FAM78B: variants seen among roughly 807,000 people sequenced by gnomAD.
FAM78B encodes protein FAM78B.
A neutral mutation model predicts 20.0 loss-of-function variants in FAM78B; 10 were observed. The ratio of observed to expected loss-of-function variants is 0.50; its 90% CI spans 0.31 to 0.85. FAM78B has a LOEUF of 0.85. FAM78B is among the 40% of genes least tolerant of loss of function. FAM78B has a pLI of 0.05. For synonymous variants in FAM78B, 135 were observed against 132.8 expected (o/e 1.02, Z -0.12); for missense variants, 283 against 345.0 (o/e 0.82, Z 1.42).
At chr1:166,095,624 G>A (rs953520773) in intron 1 of FAM78B, among the ~76,000 whole-genome samples, 87 of 152,128 alleles carry the variant, frequency 5.7e-4, no homozygotes, top group African/African-American at 1.9e-3. Flanking sequence ...TTGTGAGCCC[G>A]CAGGAACCCC....
rs1008060239 is a variant in FAM78B, at chr1:166,078,925, A to G, written c.264-8162T>C. Among the ~76,000 whole-genome samples the G allele has an allele frequency of 6.9e-5, 7 of 101,696 alleles. No homozygotes were observed. The Admixed American group carries it at 7.8e-4, about 11-fold the overall frequency. The allele number at this position is 101,696 out of a possible 152,430, so 66.7% of individuals were successfully genotyped here. ...GAGAGGAGCCCTGGCCTGGCCTTACATGTTTTTTTTTTTTTTTTTCTTTAG... is the reference window on the plus strand; with the variant it reads ...GAGAGGAGCCCTGGCCTGGCCTTACGTGTTTTTTTTTTTTTTTTTCTTTAG... On this transcript the variant is annotated intron_variant, in intron 1 of 1. Transcript: ENST00000354422.
intron 1 of FAM78B, among the ~76,000 whole-genome samples, chr1:166,080,565 A>G (rs1378125609): frequency 1.3e-5 from 2 of 152,232 alleles, no homozygotes; most frequent in Non-Finnish European, 2.9e-5. Flanking sequence ...CTGCTGCGTT[A>G]ACTTTACTGC....
chr1:166,139,991 G>A (rs770538323), intron 1 of FAM78B, among the ~76,000 whole-genome samples: 17 of 152,214 alleles, frequency 1.1e-4, no homozygotes, highest in Non-Finnish European at 1.8e-4. Flanking sequence ...CAAAGGCCAC[G>A]CAGGATGAGG....
chr1:166,059,228 C>T (rs1236341594), exon 3 of FAM78B: 1 of 152,704 alleles, frequency 6.5e-6, no homozygotes, highest in African/African-American at 2.4e-5. Context: ...GAGTACCACT[C>T]ATGGGACCTG....
intron 1 of FAM78B, among the ~76,000 whole-genome samples, chr1:166,096,153 C>T (rs141439848): frequency 1.3e-5 from 2 of 152,304 alleles, no homozygotes; most frequent in African/African-American, 4.8e-5. Context: ...CTCAAATTGC[C>T]AGTCGTCCCA....
At chr1:166,152,255 GGTT>G (rs1181295167) in intron 1 of FAM78B, among the ~76,000 whole-genome samples, 1 of 152,182 alleles carries the variant, frequency 6.6e-6, no homozygotes, top group Non-Finnish European at 1.5e-5. Context: ...AGCCCGTGGT[GGTT>G]GTTGTTCTCA....
At chr1:166,121,290 A>G (rs1334232459) in intron 1 of FAM78B, among the ~76,000 whole-genome samples, 4 of 152,082 alleles carry the variant, frequency 2.6e-5, no homozygotes, top group Non-Finnish European at 4.4e-5. Flanking sequence ...GTGGTGGGAT[A>G]CTGAGGTCCT....
chr1:166,071,987 C>T (rs528999254), intron 1 of FAM78B, among the ~76,000 whole-genome samples: 6 of 152,250 alleles, frequency 3.9e-5, no homozygotes, highest in Admixed American at 6.5e-5. Context: ...ATTTTCGCTC[C>T]GGGTACCAGG....
At chr1:166,114,466 T>C (rs1235316935) in intron 1 of FAM78B, among the ~76,000 whole-genome samples, 2 of 152,236 alleles carry the variant, frequency 1.3e-5, no homozygotes, top group Non-Finnish European at 2.9e-5. Flanking sequence ...GTGTGAATAC[T>C]GAATACTACA....
chr1:166,084,506 G>A (rs1390892130), intron 1 of FAM78B, among the ~76,000 whole-genome samples: 2 of 152,136 alleles, frequency 1.3e-5, no homozygotes, highest in African/African-American at 2.4e-5. Context: ...TGCTGATGGC[G>A]AGTGCAATTT....
chr1:166,081,767 G>C (rs1299401632), intron 1 of FAM78B, among the ~76,000 whole-genome samples: 1 of 152,168 alleles, frequency 6.6e-6, no homozygotes, highest in Non-Finnish European at 1.5e-5. Context: ...ACTGGGGCTG[G>C]AGGTAGAGGT....
chr1:166,120,727 G>A (rs1208292493), intron 1 of FAM78B, among the ~76,000 whole-genome samples: 1 of 150,022 alleles, frequency 6.7e-6, no homozygotes, highest in African/African-American at 2.4e-5. Context: ...ATGAAAACAG[G>A]AGGAGCTAAG....
chr1:166,127,807 G>A (rs779036025), intron 1 of FAM78B, among the ~76,000 whole-genome samples: 3 of 152,162 alleles, frequency 2.0e-5, no homozygotes, highest in Non-Finnish European at 4.4e-5. Context: ...AGAGCACACA[G>A]ACCACTGCTG....
At chr1:166,143,212 G>A (rs1655340212) in intron 1 of FAM78B, among the ~76,000 whole-genome samples, 2 of 152,166 alleles carry the variant, frequency 1.3e-5, no homozygotes, top group Admixed American at 1.3e-4. Flanking sequence ...AGTAGAGGCT[G>A]GGACAGTGGC....
chr1:166,057,838 G>C (rs1000718403), exon 3 of FAM78B: 1 of 152,224 alleles, frequency 6.6e-6, no homozygotes, highest in African/African-American at 2.4e-5. Flanking sequence ...AAGATAAAGA[G>C]CAGAAGGGAA....
chr1:166,153,426 C>T (rs1257514012), intron 1 of FAM78B, among the ~76,000 whole-genome samples: 1 of 152,202 alleles, frequency 6.6e-6, no homozygotes, highest in Non-Finnish European at 1.5e-5. Flanking sequence ...ACAAGTAGTT[C>T]AAAGGCAGGC....
intron 1 of FAM78B, among the ~76,000 whole-genome samples, chr1:166,086,073 C>A: frequency 7.5e-6 from 1 of 132,936 alleles, no homozygotes. Context: ...CTATGTTACT[C>A]TTTTTTTTTT....
At chr1:166,131,662 G>A (rs547289759) in intron 1 of FAM78B, among the ~76,000 whole-genome samples, 2 of 152,182 alleles carry the variant, frequency 1.3e-5, no homozygotes, top group Non-Finnish European at 2.9e-5. Flanking sequence ...GAAGACTGGG[G>A]AGAACTATCT....
chr1:166,144,525 C>T (rs780059358), intron 1 of FAM78B, among the ~76,000 whole-genome samples: 3 of 151,974 alleles, frequency 2.0e-5, no homozygotes, highest in Non-Finnish European at 4.4e-5. Flanking sequence ...AGGTGGGAGA[C>T]AGGGATGGGG....
Sources: gnomAD v4.1 joint callset for allele counts (sites outside exome capture counted in the v4.1 genomes callset) on GRCh38, gnomAD v4.1.1 for gene constraint, MANE v1.5 for transcripts, NCBI Gene and HGNC (gene_info 2026-07-23, HGNC 2026-07-21) for gene names.